GPC5: variants seen among roughly 807,000 people sequenced by gnomAD.
GPC5 encodes glypican-5.
In GPC5, 47 loss-of-function variants were observed where a neutral mutation model predicts 53.9. The observed-to-expected ratio is 0.87, with a 90% confidence interval of 0.69 to 1.11. GPC5 has a LOEUF of 1.11. Ranked by LOEUF, GPC5 falls within the 50% of genes most tolerant of loss-of-function variation. The probability of loss-of-function intolerance (pLI) is 0.00; values close to 1 mark genes in which losing one functional copy is unlikely to be tolerated. For missense variants in GPC5, 748 were observed against 713.1 expected (o/e 1.05, Z -0.56); for synonymous variants, 286 against 263.3 (o/e 1.09, Z -0.84).
chr13:92,695,055 C>G (rs1258193222), intron 7 of GPC5, among the ~76,000 whole-genome samples: 1 of 152,210 alleles, frequency 6.6e-6, no homozygotes, highest in Non-Finnish European at 1.5e-5. Flanking sequence ...TCCCCTTCAC[C>G]TTCTGCCATA....
intron 6 of GPC5, among the ~76,000 whole-genome samples, chr13:91,960,997 G>A (rs2040120695): frequency 6.6e-6 from 1 of 151,768 alleles, no homozygotes; most frequent in African/African-American, 2.4e-5. Flanking sequence ...TTTTATGGTT[G>A]AGACCTCAAA....
chr13:91,649,399 T>C (rs2034640726), intron 2 of GPC5, among the ~76,000 whole-genome samples: 1 of 152,182 alleles, frequency 6.6e-6, no homozygotes, highest in African/African-American at 2.4e-5. Context: ...CAATAACTAC[T>C]ACACACGTTT....
chr13:92,132,080 G>A (rs2041748982), intron 6 of GPC5, among the ~76,000 whole-genome samples: 2 of 152,036 alleles, frequency 1.3e-5, no homozygotes, highest in Non-Finnish European at 1.5e-5. Context: ...ATAAAATACA[G>A]CAATTAAAGA....
chr13:92,164,405 C>T (rs935552637), intron 7 of GPC5, among the ~76,000 whole-genome samples: 1 of 152,194 alleles, frequency 6.6e-6, no homozygotes, highest in African/African-American at 2.4e-5. Context: ...GAAGGGGCTG[C>T]AGTTCCCATG....
At chr13:92,409,040 TAATA>T (rs1156263628) in intron 7 of GPC5, among the ~76,000 whole-genome samples, 34 of 152,054 alleles carry the variant, frequency 2.2e-4, no homozygotes, top group Admixed American at 1.9e-3. Flanking sequence ...ATTGAAATAT[TAATA>T]AATAATTTTA....
chr13:92,184,266 T>A (rs759678626), intron 7 of GPC5, among the ~76,000 whole-genome samples: 12 of 152,168 alleles, frequency 7.9e-5, no homozygotes, highest in Non-Finnish European at 1.8e-4. Flanking sequence ...AGTATAAATT[T>A]GAATATCAAA....
intron 7 of GPC5, among the ~76,000 whole-genome samples, chr13:92,640,860 C>T (rs1271090489): frequency 6.6e-6 from 1 of 151,450 alleles, no homozygotes; most frequent in Non-Finnish European, 1.5e-5. Context: ...AATTATTCAT[C>T]TATTATAATA....
At chr13:91,450,863 C>CA (rs1881129915) in intron 2 of GPC5, among the ~76,000 whole-genome samples, 1 of 152,014 alleles carries the variant, frequency 6.6e-6, no homozygotes, top group African/African-American at 2.4e-5. Context: ...AGAAATTTGC[C>CA]TAAAGGCTAA....
intron 6 of GPC5, among the ~76,000 whole-genome samples, chr13:91,947,009 G>A (rs764667497): frequency 6.6e-6 from 1 of 152,058 alleles, no homozygotes; most frequent in Non-Finnish European, 1.5e-5. Flanking sequence ...CATACCTGGA[G>A]GTTTAACTCC....
intron 6 of GPC5, among the ~76,000 whole-genome samples, chr13:91,915,754 A>G (rs1276968148): frequency 6.6e-6 from 1 of 152,186 alleles, no homozygotes; most frequent in African/African-American, 2.4e-5. Context: ...GTTCCAAATT[A>G]CAACCAGCTC....
chr13:92,495,625 CTTT>C lies in GPC5; in HGVS notation c.1561+350651_1561+350653del, dbSNP rs71123409. Reference sequence around the variant, plus strand: ...CCTATCATTACAATCTTTAAGGAGACTTTTTTTTTTTTTTTTTCCCACAGAGAT... The same window carrying C: ...CCTATCATTACAATCTTTAAGGAGACTTTTTTTTTTTTTTCCCACAGAGAT... On this transcript the variant is annotated intron_variant, in intron 7 of 7. Coordinates refer to ENST00000377067, the MANE Select transcript of GPC5 (RefSeq NM_004466.6). Among the ~76,000 whole-genome samples the C allele has an allele frequency of 1.6e-3, 230 of 147,070 alleles. 2 individuals are homozygous for C. The highest frequency in any genetic ancestry group is 4.3e-3 in the African/African-American group (173 of 40,006).
chr13:92,246,205 C>T (rs578082588), intron 7 of GPC5, among the ~76,000 whole-genome samples: 1 of 152,136 alleles, frequency 6.6e-6, no homozygotes, highest in African/African-American at 2.4e-5. Flanking sequence ...TAAACGGCAT[C>T]CTTCATTTTA....
At chr13:91,602,647 C>A (rs1273387597) in intron 2 of GPC5, among the ~76,000 whole-genome samples, 1 of 152,108 alleles carries the variant, frequency 6.6e-6, no homozygotes, top group Non-Finnish European at 1.5e-5. Context: ...GATTGACAGT[C>A]TTAACGTGAT....
chr13:92,202,590 T>C (rs1382841010), intron 7 of GPC5, among the ~76,000 whole-genome samples: 3 of 152,164 alleles, frequency 2.0e-5, no homozygotes, highest in South Asian at 4.1e-4. Context: ...GAACCAAAGA[T>C]TTTCTAATAA....
At chr13:92,523,960 T>A (rs1396302255) in intron 7 of GPC5, among the ~76,000 whole-genome samples, 1 of 152,136 alleles carries the variant, frequency 6.6e-6, no homozygotes, top group African/African-American at 2.4e-5. Flanking sequence ...AACAATCATC[T>A]GAGCCTTCAG....
intron 5 of GPC5, among the ~76,000 whole-genome samples, chr13:91,790,078 C>T (rs1050176306): frequency 2.6e-5 from 4 of 152,204 alleles, no homozygotes; most frequent in Admixed American, 1.3e-4. Context: ...AACATTGCCA[C>T]GTTGAGGGCC....
intron 7 of GPC5, among the ~76,000 whole-genome samples, chr13:92,426,949 A>AGTTTCT (rs1566585644): frequency 2.0e-5 from 3 of 152,066 alleles, no homozygotes; most frequent in Non-Finnish European, 2.9e-5. Context: ...TTGAGCCATC[A>AGTTTCT]GTTTCTATAA....
chr13:91,525,504 CTG>C (rs10603111), intron 2 of GPC5, among the ~76,000 whole-genome samples: 4,130 of 152,230 alleles, frequency 0.027, 171 homozygotes, highest in African/African-American at 0.092. Flanking sequence ...TTTCTTGAAA[CTG>C]TGGTTATTAC....
chr13:92,770,198 G>A (rs1327737653), intron 7 of GPC5, among the ~76,000 whole-genome samples: 4 of 151,994 alleles, frequency 2.6e-5, no homozygotes, highest in African/African-American at 7.3e-5. Flanking sequence ...AGAATTACTT[G>A]AGCCCATGAG....
Sources: allele counts gnomAD v4.1 joint callset (sites outside exome capture counted in the v4.1 genomes callset), GRCh38; gene constraint gnomAD v4.1.1; transcripts MANE v1.5; gene names NCBI Gene and HGNC (gene_info 2026-07-23, HGNC 2026-07-21).